CAMTA1: variants seen among roughly 807,000 people sequenced by gnomAD.
The protein encoded by CAMTA1 is calmodulin-binding transcription activator 1.
A neutral mutation model predicts 170.9 loss-of-function variants in CAMTA1; 27 were observed. The ratio of observed to expected loss-of-function variants is 0.16; its 90% confidence interval spans 0.12 to 0.22. The LOEUF (loss-of-function observed/expected upper bound fraction) is 0.22. CAMTA1 is among the 10% of genes least tolerant of loss of function. CAMTA1 has a pLI of 1.00. For missense variants in CAMTA1, 1,619 were observed against 2,217.2 expected (o/e 0.73, Z 5.42); for synonymous variants, 833 against 891.5 (o/e 0.93, Z 1.17).
chr1:6,956,935 G>A (rs944673441), intron 3 of CAMTA1, among the ~76,000 whole-genome samples: 1 of 152,204 alleles, frequency 6.6e-6, no homozygotes, highest in African/African-American at 2.4e-5. Flanking sequence ...AGTTAGTAGC[G>A]GTCGGGCCAG....
Position 6,998,575 on chromosome 1 carries a change from C to T in CAMTA1, c.235-92729C>T, listed in dbSNP as rs537707067. ...TGCCCTCAAGGTTTCTTTGAGAATCCACTCCCCATGCACTTTGCCTTCTCC... is the reference window on the plus strand; with the variant it reads ...TGCCCTCAAGGTTTCTTTGAGAATCTACTCCCCATGCACTTTGCCTTCTCC... On this transcript the variant is annotated intron_variant, in intron 3 of 22. Coordinates refer to ENST00000303635, the MANE Select transcript of CAMTA1 (RefSeq NM_015215.4). Among the ~76,000 whole-genome samples, 3 of 152,290 alleles carry T rather than the reference C, an allele frequency of 2.0e-5. No individual in the cohort carries two copies. The South Asian group carries it at 6.2e-4, about 32-fold the overall frequency.
chr1:7,743,234 C>G lies in CAMTA1; in HGVS notation c.4183-1601C>G, dbSNP rs1056800149. Among the ~76,000 whole-genome samples, 3 of 151,822 alleles carry G rather than the reference C, an allele frequency of 2.0e-5. 1 individual carries two copies. The highest frequency in any genetic ancestry group is 7.3e-5 in the African/African-American group (3 of 41,246). ...CTTTGATGAAAATTTATAAAATTAT[C>G]CACAATAAGCATTTTTAACAGCTTT... is the stretch of plus-strand genomic sequence containing the variant. On this transcript the variant is annotated intron_variant, in intron 16 of 22. Coordinates refer to ENST00000303635, the MANE Select transcript of CAMTA1 (RefSeq NM_015215.4).
chr1:6,878,885 A>G (rs559957681), intron 3 of CAMTA1, among the ~76,000 whole-genome samples: 6 of 152,336 alleles, frequency 3.9e-5, no homozygotes, highest in African/African-American at 1.4e-4. Context: ...GCAGCTGTGC[A>G]ACGGGATTAC....
chr1:6,806,061 G>C (rs1462955400), intron 1 of CAMTA1, among the ~76,000 whole-genome samples: 2 of 152,100 alleles, frequency 1.3e-5, no homozygotes, highest in African/African-American at 2.4e-5. Context: ...TAGGCTTCCA[G>C]CTTCATTTTT....
At chr1:7,142,523 G>A (rs1256070527) in intron 4 of CAMTA1, among the ~76,000 whole-genome samples, 1 of 152,200 alleles carries the variant, frequency 6.6e-6, no homozygotes, top group Non-Finnish European at 1.5e-5. Context: ...TGCTGGAGGT[G>A]GGACCTAATG....
intron 6 of CAMTA1, among the ~76,000 whole-genome samples, chr1:7,526,723 C>A (rs2094436190): frequency 6.6e-6 from 1 of 152,192 alleles, no homozygotes. Context: ...TGCGTTCTAG[C>A]AGTGAGCCTT....
intron 4 of CAMTA1, among the ~76,000 whole-genome samples, chr1:7,214,569 C>T (rs993560269): frequency 2.1e-4 from 32 of 152,152 alleles, no homozygotes; most frequent in Admixed American, 1.0e-3. Context: ...GGTTTCACCA[C>T]GTTAGCCGGG....
At position 7,769,654 on chromosome 1, in the gene CAMTA1, A is replaced by G. The variant is rs2097044685; in HGVS notation, c.*3163A>G. On this transcript the variant is annotated 3_prime_UTR_variant, in exon 23 of 23. Coordinates refer to ENST00000303635, the MANE Select transcript of CAMTA1 (RefSeq NM_015215.4). ...CTTAAAATATGGAAAATGTTTTCTG[A>G]ATGCTTTATATTCTTTCTGCTGTAA... 1 of 152,584 alleles carries G rather than the reference A, an allele frequency of 6.6e-6. No homozygotes were observed. Among genetic ancestry groups the G allele is most frequent in the Non-Finnish European group, 1.5e-5 (1 of 68,046 alleles). The allele number at this position is 152,584 out of a possible 1,614,324, so 9.5% of individuals were successfully genotyped here.
chr1:6,910,059 C>A (rs187547791), intron 3 of CAMTA1, among the ~76,000 whole-genome samples: 1 of 152,224 alleles, frequency 6.6e-6, no homozygotes, highest in Non-Finnish European at 1.5e-5. Context: ...TTGCAGCAAT[C>A]CTTGTTTGCT....
chr1:7,603,264 T>C (rs887547022), intron 6 of CAMTA1, among the ~76,000 whole-genome samples: 1 of 152,226 alleles, frequency 6.6e-6, no homozygotes, highest in Non-Finnish European at 1.5e-5. Context: ...CATTGATCTT[T>C]CTAATGTTGA....
chr1:6,855,646 G>A (rs1662041993), intron 3 of CAMTA1, among the ~76,000 whole-genome samples: 1 of 152,120 alleles, frequency 6.6e-6, no homozygotes, highest in Non-Finnish European at 1.5e-5. Flanking sequence ...GTGGACATGA[G>A]ATTTGGGTGT....
chr1:7,505,796 G>A (rs1051800980), intron 6 of CAMTA1, among the ~76,000 whole-genome samples: 1 of 152,182 alleles, frequency 6.6e-6, no homozygotes, highest in African/African-American at 2.4e-5. Context: ...AGTCTGGGAC[G>A]GTCTTGGGTG....
At chr1:7,385,059 A>C (rs1042890705) in intron 5 of CAMTA1, among the ~76,000 whole-genome samples, 4 of 149,882 alleles carry the variant, frequency 2.7e-5, no homozygotes, top group African/African-American at 9.8e-5. Context: ...CAGCCCTCCT[A>C]TGCCCCCTGC....
chr1:7,446,629 G>C (rs1402233123), intron 5 of CAMTA1, among the ~76,000 whole-genome samples: 1 of 152,194 alleles, frequency 6.6e-6, no homozygotes, highest in Non-Finnish European at 1.5e-5. Context: ...GCTGGGAGCC[G>C]AACCCATGTT....
At chr1:7,549,262 AT>A (rs2150167558) in intron 6 of CAMTA1, among the ~76,000 whole-genome samples, 1 of 145,084 alleles carries the variant, frequency 6.9e-6, no homozygotes, top group East Asian at 2.2e-4. Context: ...GGAGGTGCCC[AT>A]GGAGGGTCCC....
At chr1:7,053,483 T>C (rs1338244809) in intron 3 of CAMTA1, among the ~76,000 whole-genome samples, 1 of 152,190 alleles carries the variant, frequency 6.6e-6, no homozygotes, top group Non-Finnish European at 1.5e-5. Flanking sequence ...AGAGGCCTTG[T>C]TAGAATGAGC....
rs1304915920 is a variant in CAMTA1 at position 7,482,573 on chromosome 1, A to C, written c.510+14672A>C. Reference sequence around the variant, plus strand: ...ACTGGCCTTAGCTTGGGCAGAACTAAAGCATCAGAGAGCCTTTGGAATGCC... The same window carrying C: ...ACTGGCCTTAGCTTGGGCAGAACTACAGCATCAGAGAGCCTTTGGAATGCC... On this transcript the variant is annotated intron_variant, in intron 6 of 22. Coordinates refer to ENST00000303635, the MANE Select transcript of CAMTA1 (RefSeq NM_015215.4). This position sits in a 1 kb window ranked among gnomAD's most constrained non-coding sequence, Gnocchi z 4.2. Among the ~76,000 whole-genome samples the C allele has an allele frequency of 6.6e-6, 1 of 152,182 alleles. No homozygotes were observed. Among genetic ancestry groups the C allele is most frequent in the African/African-American group, 2.4e-5 (1 of 41,454 alleles).
intron 3 of CAMTA1, among the ~76,000 whole-genome samples, chr1:6,937,360 C>G (rs111161886): frequency 1.1e-3 from 44 of 40,958 alleles, no homozygotes; most frequent in East Asian, 1.7e-3. Flanking sequence ...CCGTCATCAC[C>G]ATCACCATCA....
chr1:7,485,615 G>C (rs2093607485), intron 6 of CAMTA1, among the ~76,000 whole-genome samples: 1 of 152,172 alleles, frequency 6.6e-6, no homozygotes. Flanking sequence ...CCAGGCTCTG[G>C]GCCCCTGGGT....
Sources: gnomAD v4.1 joint callset for allele counts (sites outside exome capture counted in the v4.1 genomes callset) on GRCh38, gnomAD v4.1.1 for gene constraint, Gnocchi (gnomAD v3.1) non-coding constraint, MANE v1.5 for transcripts, NCBI Gene and HGNC (gene_info 2026-07-23, HGNC 2026-07-21) for gene names.